NEBL: variants seen among roughly 807,000 people sequenced by gnomAD.
NEBL encodes nebulette, also known as LIM and SH3 protein 2.
NEBL carries 122 observed loss-of-function variants against 140.2 expected under a neutral mutation model. That is an observed-to-expected ratio of 0.87 (90% CI 0.75 to 1.01). The LOEUF is 1.01. Ranked by LOEUF, NEBL falls within the 50% of genes least tolerant of loss-of-function variation. The pLI is 0.00. For missense variants in NEBL, 1,365 were observed against 1,231.3 expected, an observed-to-expected ratio of 1.11 and a Z score of -1.62; for synonymous variants, 436 against 398.9, an observed-to-expected ratio of 1.09 and a Z score of -1.11.
At chr10:20,867,670 A>C (rs954076326) in intron 7 of NEBL, 3 of 152,022 alleles carry the variant, frequency 2.0e-5, no homozygotes, top group Admixed American at 2.0e-4. Flanking sequence ...TTGCATTCAC[A>C]TTTTTAATCC....
intron 2 of NEBL, among the ~76,000 whole-genome samples, chr10:21,061,805 G>A (rs1835319147): frequency 1.3e-5 from 2 of 152,096 alleles, no homozygotes; most frequent in African/African-American, 4.8e-5. Context: ...TGACTGCTTG[G>A]CAGGGGTTTC....
rs1192829902 is a variant in NEBL at position 20,783,748 on chromosome 10, A to C, written c.*1999T>G. 1 of 152,644 alleles carries C rather than the reference A, an allele frequency of 6.6e-6. No homozygotes were observed. Among genetic ancestry groups the C allele is most frequent in the African/African-American group, 2.4e-5 (1 of 41,458 alleles). 9.5% of individuals were successfully genotyped at this position (152,644 alleles called of 1,614,324 possible). ...GTATTTTATCCTCAGTTTTAACGACAGATTTTTTTGCAAAAATATTGCAAG... is the reference window on the plus strand; with the variant it reads ...GTATTTTATCCTCAGTTTTAACGACCGATTTTTTTGCAAAAATATTGCAAG... On this transcript the variant is annotated 3_prime_UTR_variant, in exon 28 of 28. Transcript: ENST00000377122.
chr10:21,065,537 A>G (rs565257343), intron 2 of NEBL, among the ~76,000 whole-genome samples: 1 of 152,360 alleles, frequency 6.6e-6, no homozygotes, highest in South Asian at 2.1e-4. Context: ...GTGAAGGAAG[A>G]AACTTGTTTA....
chr10:20,969,326 C>T (rs138493196), intron 3 of NEBL, among the ~76,000 whole-genome samples: 5 of 151,722 alleles, frequency 3.3e-5, no homozygotes, highest in African/African-American at 1.2e-4. Context: ...AATTAAAAAG[C>T]ATTAAAAATC....
At chr10:21,094,386 C>T (rs1458241945) in intron 2 of NEBL, among the ~76,000 whole-genome samples, 1 of 151,680 alleles carries the variant, frequency 6.6e-6, no homozygotes, top group Non-Finnish European at 1.5e-5. Flanking sequence ...CCTGTAGTCC[C>T]AGCTACTTGG....
At chr10:21,010,737 T>C (rs752005165) in intron 3 of NEBL, among the ~76,000 whole-genome samples, 16 of 152,264 alleles carry the variant, frequency 1.1e-4, no homozygotes, top group South Asian at 4.1e-4. Context: ...TAGGAAGTCA[T>C]GTAACATGGC....
At chr10:20,897,551 C>A (rs1847616875), upstream of NEBL, 1 of 1,059,408 alleles carries the variant, frequency 9.4e-7, no homozygotes, top group Non-Finnish European at 1.1e-6. Flanking sequence ...CATAAAAGAG[C>A]ATAAAAAGGA....
At chr10:20,982,958 A>G (rs907386284) in intron 3 of NEBL, among the ~76,000 whole-genome samples, 1 of 152,206 alleles carries the variant, frequency 6.6e-6, no homozygotes, top group Admixed American at 6.5e-5. Context: ...AGAATGTTTT[A>G]TCTACAATCT....
chr10:20,984,471 C>A (rs1837175340), intron 3 of NEBL, among the ~76,000 whole-genome samples: 1 of 152,116 alleles, frequency 6.6e-6, no homozygotes, highest in South Asian at 2.1e-4. Context: ...AATTTTCAGT[C>A]TGACACATGA....
intron 1 of NEBL, among the ~76,000 whole-genome samples, chr10:21,280,173 C>T (rs1436595522): frequency 6.6e-6 from 1 of 152,080 alleles, no homozygotes; most frequent in Non-Finnish European, 1.5e-5. Flanking sequence ...CATAAATCCC[C>T]GTGATGCCCC....
chr10:21,203,035 T>C (rs1841766873), intron 3 of NEBL, among the ~76,000 whole-genome samples: 1 of 152,244 alleles, frequency 6.6e-6, no homozygotes, highest in Non-Finnish European at 1.5e-5. Context: ...CATAGTCATT[T>C]AGGAAACTTA....
Position 21,186,988 on chromosome 10 carries a change from ATGTGTGTGTGTGTGTG to A in NEBL, n.349-14527_349-14512del, listed in dbSNP as rs35359446. On this transcript the variant is annotated intron_variant and non_coding_transcript_variant, in intron 3 of 8. Coordinates refer to the NEBL transcript ENST00000675702. ...CACAGATACAGAGGGCCAACTCTGT[ATGTGTGTGTGTGTGTG>A]TGTGTGTGTGTGTGTGTGTGTGTGT... Among the ~76,000 whole-genome samples, 10 of 141,986 alleles carry A rather than the reference ATGTGTGTGTGTGTGTG, an allele frequency of 7.0e-5. No homozygotes were observed. The East Asian group carries it at 8.5e-4, about 12-fold the overall frequency. 93.1% of individuals were successfully genotyped at this position (141,986 alleles called of 152,430 possible).
intron 3 of NEBL, among the ~76,000 whole-genome samples, chr10:21,223,248 T>C (rs1295154589): frequency 6.6e-6 from 1 of 152,214 alleles, no homozygotes; most frequent in Non-Finnish European, 1.5e-5. Flanking sequence ...TCTATCTCCA[T>C]GAGTTTAATT....
chr10:21,248,790 C>A (rs954687078), intron 2 of NEBL, among the ~76,000 whole-genome samples: 2 of 151,946 alleles, frequency 1.3e-5, no homozygotes, highest in African/African-American at 4.8e-5. Flanking sequence ...ACCAGCAATG[C>A]ACAAGGGTTC....
chr10:20,817,766 A>C, intron 20 of NEBL, 74 bp from the exon 21 acceptor site: 1 of 1,182,202 alleles, frequency 8.5e-7, no homozygotes, highest in Non-Finnish European at 1.3e-6. Flanking sequence ...GACAAGGCTC[A>C]AAATTAGCAC....
intron 3 of NEBL, among the ~76,000 whole-genome samples, chr10:20,967,828 C>A (rs1422468376): frequency 6.6e-6 from 1 of 152,132 alleles, no homozygotes; most frequent in Non-Finnish European, 1.5e-5. Flanking sequence ...CTTGCATGTA[C>A]ACATTATATA....
chr10:21,204,866 C>G (rs559411359), intron 3 of NEBL, among the ~76,000 whole-genome samples: 1 of 152,294 alleles, frequency 6.6e-6, no homozygotes, highest in Non-Finnish European at 1.5e-5. Context: ...CTGCACTCCC[C>G]GTCATGAAAC....
intron 2 of NEBL, among the ~76,000 whole-genome samples, chr10:21,038,528 A>G (rs1368830802): frequency 3.3e-5 from 5 of 152,244 alleles, no homozygotes; most frequent in African/African-American, 1.2e-4. Context: ...ATGTCCCTGC[A>G]AAAGACATGA....
intron 4 of NEBL, among the ~76,000 whole-genome samples, chr10:20,885,279 A>G (rs16921216): frequency 0.019 from 2,948 of 152,330 alleles, 87 homozygotes; most frequent in African/African-American, 0.066. Flanking sequence ...AACTCTAAGA[A>G]TCACAATTTT....
Sources: allele counts gnomAD v4.1 joint callset (sites outside exome capture counted in the v4.1 genomes callset), GRCh38; gene constraint gnomAD v4.1.1; transcripts MANE v1.5; gene names NCBI Gene and HGNC (gene_info 2026-07-23, HGNC 2026-07-21).